Variants in SLC23A1 observed in about 807,000 individuals in gnomAD.
SLC23A1 encodes Na(+)/L-ascorbic acid transporter 1.
SLC23A1 carries 31 observed loss-of-function variants against 62.5 expected under a neutral mutation model. The observed-to-expected ratio is 0.50, with a 90% CI of 0.37 to 0.67. The LOEUF (loss-of-function observed/expected upper bound fraction) is 0.67, where lower values mean the gene tolerates loss of function less well. SLC23A1 is among the 30% of genes least tolerant of loss of function. The pLI is 0.00. For synonymous variants in SLC23A1, 271 were observed against 313.2 expected, an observed-to-expected ratio of 0.87 and a Z score of 1.42; for missense variants, 640 against 782.7, an observed-to-expected ratio of 0.82 and a Z score of 2.18.
chr5:139,384,600 C>A (rs1186431859), upstream of SLC23A1: 1 of 1,264,852 alleles, frequency 7.9e-7, no homozygotes, highest in Non-Finnish European at 1.0e-6. Context: ...CTTCTCCTCC[C>A]AGAACTCCCC....
At chr5:139,370,860 G>A (rs1034556682) in intron 14 of SLC23A1, among the ~76,000 whole-genome samples, 6 of 151,894 alleles carry the variant, frequency 4.0e-5, no homozygotes, top group East Asian at 3.9e-4. Flanking sequence ...GGAGGTCAAG[G>A]TAGGTGGATC....
In SLC23A1 at chr5:139,379,576, C is replaced by T. The variant is rs754518750; in HGVS notation, c.925+102G>A. On this transcript the variant is annotated intron_variant, in intron 8 of 14. Transcript: ENST00000348729. This position sits in a 1 kb window ranked among gnomAD's most constrained non-coding sequence, Gnocchi z 4.7. ...CTCTGCTGGGCGCACTATAAATGTG[C>T]GGCTAATGCTAGGTGTGTCACCTGC... 3.8e-5 allele frequency: 46 copies of T among 1,201,264 alleles called. No homozygotes were observed. The highest frequency in any genetic ancestry group is 5.9e-5 in the Admixed American group (3 of 50,658). The allele number at this position is 1,201,264 out of a possible 1,614,324, so 74.4% of individuals were successfully genotyped here. A position where few individuals can be genotyped will look rare whatever the true frequency, so the allele number is the denominator to read the frequency against.
At position 139,379,351 on chromosome 5, in the gene SLC23A1, T is replaced by C; in HGVS notation, c.929A>G (p.Gln310Arg). Residue 310 changes from glutamine (Q) to arginine (R), a missense_variant, in exon 9 of 15, where the codon CAG becomes CGG. Transcript: ENST00000348729. The surrounding 1 kb of genome is among the most constrained non-coding windows in gnomAD (Gnocchi z 4.7). ...APWIRIPYPCQWGLPTVTAAA... is the reference protein window; with the variant it reads ...APWIRIPYPCRWGLPTVTAAA... ...CGCAGTCACCGTGGGCAGGCCCCAC[T>C]GACCTGTGCTCGGAGGGAGACAGGA... 1.2e-6 allele frequency: 2 copies of C among 1,614,030 alleles called. No individual in the cohort carries two copies. Among genetic ancestry groups the C allele is most frequent in the Middle Eastern group, 1.7e-4 (1 of 6,060 alleles).
chr5:139,372,523 T>G (rs997251399), intron 13 of SLC23A1, among the ~76,000 whole-genome samples: 21 of 152,190 alleles, frequency 1.4e-4, no homozygotes, highest in African/African-American at 4.8e-4. Context: ...TTATCTTGTT[T>G]CTTGAAAACA....
rs764134288 is a variant in SLC23A1 at position 139,378,796 on chromosome 5, C to T, written c.1074-112G>A. 96 of 772,272 alleles carry T rather than the reference C, an allele frequency of 1.2e-4. No homozygotes were observed. The highest frequency in any genetic ancestry group is 1.9e-4 in the Admixed American group (9 of 46,376). 47.8% of individuals were successfully genotyped at this position (772,272 alleles called of 1,614,324 possible). ...GGGCTGTGGGGGCTGCAGCTATCAG[C>T]TGTAGCACTCCCTACTACAGGCCAG... is the stretch of plus-strand genomic sequence containing the variant. On this transcript the variant is annotated intron_variant, in intron 9 of 14. Transcript: ENST00000348729. This position sits in a 1 kb window ranked among gnomAD's most constrained non-coding sequence, Gnocchi z 4.5.
At position 139,381,975 on chromosome 5, in the gene SLC23A1, G is replaced by A; in HGVS notation, c.225C>T (p.Asp75=). Residue 75 remains aspartate (D), a synonymous_variant, in exon 3 of 15, where the codon GAC becomes GAT. Coordinates refer to ENST00000348729, the MANE Select transcript of SLC23A1 (RefSeq NM_005847.5). ...LLAEALCVGH[D]QHMVSQLIGT... Reference sequence around the variant, plus strand: ...CGATGAGCTGACTAACCATGTGCTGGTCGTGGCCCACACACAGCGCCTCAG... The same window carrying A: ...CGATGAGCTGACTAACCATGTGCTGATCGTGGCCCACACACAGCGCCTCAG... 6.2e-7 allele frequency: 1 copy of A among 1,600,320 alleles called. No homozygotes were observed. The highest frequency in any genetic ancestry group is 8.5e-7 in the Non-Finnish European group (1 of 1,173,762).
intron 13 of SLC23A1, among the ~76,000 whole-genome samples, chr5:139,376,086 G>T (rs1757931595): frequency 6.6e-6 from 1 of 152,136 alleles, no homozygotes; most frequent in Non-Finnish European, 1.5e-5. Flanking sequence ...AGGCTGTAGT[G>T]AGCTATGATT....
At position 139,382,560 on chromosome 5, in the gene SLC23A1, T is replaced by G; in HGVS notation, c.82A>C (p.Lys28Gln). The change falls in exon 2 of 15, where the codon AAG (lysine) becomes CAG (glutamine). Residue 28 changes from lysine to glutamine, a missense_variant. By Grantham distance (53) the Lys-to-Gln change is moderately conservative (BLOSUM62 1). Transcript: ENST00000348729. ...DPSTPLPTEP[K>Q]FDMLYKIEDV... The stretch of plus-strand genomic sequence containing the variant: ...TCGATCTTGTACAACATGTCAAACT[T>G]AGGCTCTGTGGGTAGCGGGGTCGAG... 1 of 1,613,198 alleles carries G rather than the reference T, an allele frequency of 6.2e-7. No homozygotes were observed. Among genetic ancestry groups the G allele is most frequent in the African/African-American group, 1.3e-5 (1 of 74,946 alleles).
At chr5:139,382,400 C>G (rs1758315573) in intron 2 of SLC23A1, 92 bp downstream of exon 2, 2 of 714,542 alleles carry the variant, frequency 2.8e-6, no homozygotes, top group African/African-American at 3.6e-5. Context: ...GTTTTTCTTC[C>G]TGTTACCCAA....
At chr5:139,377,678 G>T (rs1758010690) in intron 12 of SLC23A1, among the ~76,000 whole-genome samples, 181 bp from the exon 13 acceptor site, 1 of 152,184 alleles carries the variant, frequency 6.6e-6, no homozygotes, top group Non-Finnish European at 1.5e-5. Context: ...GTTCACCTGG[G>T]ACAAATCACT....
upstream of SLC23A1, chr5:139,384,499 C>T (rs1256359830): frequency 1.6e-6 from 2 of 1,289,472 alleles, no homozygotes; most frequent in Admixed American, 2.3e-5. Context: ...TCCGCCTGTC[C>T]TCTCCTCTCC....
In SLC23A1 at chr5:139,377,970, G is replaced by A; in HGVS notation, c.1453+5C>T. ...CCTTTGGAGACAGTAAACAGCTGGA[G>A]GCACCTGTATTGATGGCGCCAGGGT... On this transcript the variant is annotated splice_donor_5th_base_variant and intron_variant, in intron 12 of 14. Coordinates refer to ENST00000348729, the MANE Select transcript of SLC23A1 (RefSeq NM_005847.5). 1.2e-6 allele frequency: 2 copies of A among 1,613,170 alleles called. No individual in the cohort carries two copies. Among genetic ancestry groups the A allele is most frequent in the South Asian group, 2.2e-5 (2 of 90,878 alleles).
chr5:139,385,313 C>T (rs1169168165), upstream of SLC23A1, among the ~76,000 whole-genome samples: 1 of 152,206 alleles, frequency 6.6e-6, no homozygotes, highest in African/African-American at 2.4e-5. Flanking sequence ...AGGTGGGGTC[C>T]AGGGCTTCTT....
At position 139,380,634 on chromosome 5, in the gene SLC23A1, TG is replaced by T; in HGVS notation, c.398-3del. The stretch of plus-strand genomic sequence containing the variant: ...GACTCCAGTTACCGTAGATCTCCTC[TG>T]GGGGTAGAGTCAGGGATACACACAC... On this transcript the variant is annotated splice_region_variant and splice_polypyrimidine_tract_variant and intron_variant, in intron 4 of 14. Coordinates refer to ENST00000348729, the MANE Select transcript of SLC23A1 (RefSeq NM_005847.5). 1 of 1,611,880 alleles carries T rather than the reference TG, an allele frequency of 6.2e-7. No homozygotes were observed. Among genetic ancestry groups the T allele is most frequent in the Non-Finnish European group, 8.5e-7 (1 of 1,178,004 alleles).
intron 14 of SLC23A1, among the ~76,000 whole-genome samples, chr5:139,368,339 CAT>C (rs762978075): frequency 1.4e-4 from 21 of 149,524 alleles, no homozygotes; most frequent in Admixed American, 8.7e-4. Flanking sequence ...GACTCCGTCT[CAT>C]AAAAAAAAAA....
At chr5:139,382,453 G>C in intron 2 of SLC23A1, 39 bp downstream of exon 2, 2 of 1,180,148 alleles carry the variant, frequency 1.7e-6, no homozygotes, top group Non-Finnish European at 2.5e-6. Context: ...TCCCCGGGGA[G>C]TGTGCAGAGT....
chr5:139,368,809 C>T lies in SLC23A1; in HGVS notation c.*20-1178G>A, dbSNP rs200465674. 18 of 1,596,622 alleles carry T rather than the reference C, an allele frequency of 1.1e-5. No individual in the cohort carries two copies. In the Admixed American group the frequency reaches 2.3e-4, roughly 21 times the overall value. Reference sequence around the variant, plus strand: ...TACGGAAATATTTGAGTAGACGGGGCCCTCTTTTGGTGGATGTAGCACAAT... The same window carrying T: ...TACGGAAATATTTGAGTAGACGGGGTCCTCTTTTGGTGGATGTAGCACAAT... On this transcript the variant is annotated intron_variant, in intron 14 of 14. Transcript: ENST00000348729.
rs1757343776 is a variant in SLC23A1 at position 139,367,640 on chromosome 5, A to C, written c.*20-9T>G. Reference sequence around the variant, plus strand: ...GTTATATACCATGCTTCCTGTGGGAATTAGAAGATGGCAATTGTAGAAAAA... The same window carrying C: ...GTTATATACCATGCTTCCTGTGGGACTTAGAAGATGGCAATTGTAGAAAAA... On this transcript the variant is annotated splice_polypyrimidine_tract_variant and intron_variant, in intron 14 of 14. Coordinates refer to ENST00000348729, the MANE Select transcript of SLC23A1 (RefSeq NM_005847.5). 6.6e-6 allele frequency: 1 copy of C among 152,170 alleles called. No homozygotes were observed. Among genetic ancestry groups the C allele is most frequent in the Non-Finnish European group, 1.5e-5 (1 of 68,026 alleles). 9.4% of individuals were successfully genotyped at this position (152,170 alleles called of 1,614,324 possible).
At position 139,378,015 on chromosome 5, in the gene SLC23A1, C is replaced by T; in HGVS notation, c.1413G>A (p.Leu471=). The T allele has an allele frequency of 1.2e-6, 2 of 1,613,932 alleles. No individual in the cohort carries two copies. Among genetic ancestry groups the T allele is most frequent in the Non-Finnish European group, 1.7e-6 (2 of 1,179,936 alleles). Residue 471 remains leucine, a synonymous_variant, in exon 12 of 15, where the codon CTG becomes CTA. Coordinates refer to ENST00000348729, the MANE Select transcript of SLC23A1 (RefSeq NM_005847.5). This position sits in a 1 kb window ranked among gnomAD's most constrained non-coding sequence, Gnocchi z 4.5. ...CAGGGTTGGACTCCAGGTAATTGGG[C>T]AGCGTGAGCCCGAAGAACATGGAAA... ...LGFSMFFGLT[L]PNYLESNPGA...
Sources: gnomAD v4.1 joint callset for allele counts (sites outside exome capture counted in the v4.1 genomes callset) on GRCh38, gnomAD v4.1.1 for gene constraint, Gnocchi (gnomAD v3.1) non-coding constraint, MANE v1.5 for transcripts, NCBI Gene and HGNC (gene_info 2026-07-23, HGNC 2026-07-21) for gene names.